SKIC3: variants seen among roughly 807,000 people sequenced by gnomAD.
The protein encoded by SKIC3 is superkiller complex protein 3.
At chr5:95,478,386 G>GT in the SKIC3 span, 1 of 1,613,966 alleles carries the variant, frequency 6.2e-7, no homozygotes, top group Non-Finnish European at 8.5e-7. Context: ...GACTCTTTCT[G>GT]TAACACATCT....
chr5:95,532,966 A>AG, the SKIC3 span, among the ~76,000 whole-genome samples: 9 of 152,094 alleles, frequency 5.9e-5, no homozygotes, highest in Non-Finnish European at 1.0e-4. Flanking sequence ...ACTTAGCTTG[A>AG]GGGGGGAAAA....
At chr5:95,485,847 A>T in the SKIC3 span, among the ~76,000 whole-genome samples, 1 of 152,202 alleles carries the variant, frequency 6.6e-6, no homozygotes, top group Non-Finnish European at 1.5e-5. Context: ...AAGAAAGCAC[A>T]CTGGACCTCA....
At chr5:95,540,203 C>T in the SKIC3 span, among the ~76,000 whole-genome samples, 1 of 152,132 alleles carries the variant, frequency 6.6e-6, no homozygotes, top group Non-Finnish European at 1.5e-5. Context: ...AACCAAACAT[C>T]GTATGTTCTC....
chr5:95,511,791 C>G, the SKIC3 span, among the ~76,000 whole-genome samples: 1 of 152,278 alleles, frequency 6.6e-6, no homozygotes, highest in African/African-American at 2.4e-5. Context: ...TGTTTAAACA[C>G]TAAGCAATAA....
chr5:95,522,282 G>C, the SKIC3 span: 212 of 1,613,442 alleles, frequency 1.3e-4, 1 homozygote, highest in South Asian at 2.3e-3. Context: ...AAGTCCTTTG[G>C]GTCTGCTCTT....
At chr5:95,528,102 T>C in the SKIC3 span, 1 of 1,613,734 alleles carries the variant, frequency 6.2e-7, no homozygotes, top group Non-Finnish European at 8.5e-7. Flanking sequence ...CAAAGATTCC[T>C]CTGATAAAGA....
At chr5:95,494,479 T>A in the SKIC3 span, among the ~76,000 whole-genome samples, 1 of 152,186 alleles carries the variant, frequency 6.6e-6, no homozygotes, top group African/African-American at 2.4e-5. Flanking sequence ...GATAGCATTA[T>A]ATATTGTATT....
At chr5:95,513,960 G>C in the SKIC3 span, among the ~76,000 whole-genome samples, 846 of 152,236 alleles carry the variant, frequency 5.6e-3, 4 homozygotes, top group Non-Finnish European at 9.5e-3. Flanking sequence ...TCATCACTTG[G>C]GAGCAGTTAG....
At chr5:95,492,652 G>GAAGAAAAA in the SKIC3 span, among the ~76,000 whole-genome samples, 2 of 48,840 alleles carry the variant, frequency 4.1e-5, no homozygotes, top group African/African-American at 2.8e-4. Context: ...AAAAAAAAAA[G>GAAGAAAAA]AAAAAAAAAA....
At chr5:95,542,046 C>A in the SKIC3 span, 2 of 670,458 alleles carry the variant, frequency 3.0e-6, no homozygotes, top group South Asian at 2.0e-5. Flanking sequence ...ATGAAATGAT[C>A]TGTCTGAGAT....
the SKIC3 span, chr5:95,490,966 G>A: frequency 6.2e-7 from 1 of 1,614,112 alleles, no homozygotes; most frequent in Non-Finnish European, 8.5e-7. Context: ...TTGGCTGAGT[G>A]TTGTTCACTA....
the SKIC3 span, among the ~76,000 whole-genome samples, chr5:95,465,562 C>T: frequency 6.6e-6 from 1 of 152,174 alleles, no homozygotes; most frequent in Non-Finnish European, 1.5e-5. Context: ...AGTTAGCCTG[C>T]CACAGTTCCA....
chr5:95,520,253 G>C, the SKIC3 span, among the ~76,000 whole-genome samples: 1 of 151,456 alleles, frequency 6.6e-6, no homozygotes, highest in African/African-American at 2.4e-5. Flanking sequence ...TTCCTTCACA[G>C]TTTCTCCTCA....
the SKIC3 span, chr5:95,525,545 C>T: frequency 1.0e-4 from 165 of 1,613,828 alleles, 1 homozygote; most frequent in Admixed American, 2.6e-3. Flanking sequence ...AATAAAAATG[C>T]TTTTAACTCA....
the SKIC3 span, among the ~76,000 whole-genome samples, chr5:95,468,842 C>T: frequency 6.6e-5 from 10 of 152,234 alleles, no homozygotes; most frequent in Non-Finnish European, 7.4e-5. Flanking sequence ...GGAGATAGTA[C>T]TCTCTAAGTT....
chr5:95,540,600 A>C, the SKIC3 span: 2 of 1,520,240 alleles, frequency 1.3e-6, no homozygotes, highest in East Asian at 4.5e-5. Flanking sequence ...TGGAAATTAA[A>C]ATGACAATGA....
At chr5:95,510,360 C>G in the SKIC3 span, among the ~76,000 whole-genome samples, 1 of 152,190 alleles carries the variant, frequency 6.6e-6, no homozygotes, top group African/African-American at 2.4e-5. Flanking sequence ...GACAACAGCC[C>G]TTTCCCAAAA....
chr5:95,491,993 T>C, the SKIC3 span, among the ~76,000 whole-genome samples: 1 of 152,270 alleles, frequency 6.6e-6, no homozygotes, highest in African/African-American at 2.4e-5. Context: ...CTGAAATATA[T>C]ATATACTTCA....
chr5:95,537,227 G>A, the SKIC3 span: 43 of 1,148,658 alleles, frequency 3.7e-5, no homozygotes, highest in East Asian at 5.5e-4. Flanking sequence ...CAAACTACAC[G>A]TTCAATTAAC....
Sources: gnomAD v4.1 joint callset for allele counts (sites outside exome capture counted in the v4.1 genomes callset) on GRCh38, gnomAD v4.1.1 for gene constraint, MANE v1.5 for transcripts, NCBI Gene and HGNC (gene_info 2026-07-23, HGNC 2026-07-21) for gene names.